The following CACNA2D2 variants were observed in gnomAD, a reference collection of about 807,000 sequenced individuals.
CACNA2D2 encodes the protein voltage-dependent calcium channel subunit alpha-2/delta-2.
A neutral mutation model predicts 166.4 loss-of-function variants in CACNA2D2; 48 were observed. The ratio of observed to expected loss-of-function variants is 0.29; its 90% confidence interval spans 0.23 to 0.37. The LOEUF (loss-of-function observed/expected upper bound fraction) is 0.37. CACNA2D2 is among the 10% of genes least tolerant of loss of function. The probability of loss-of-function intolerance (pLI) is 1.00; values close to 1 mark genes in which losing one functional copy is unlikely to be tolerated. For missense variants in CACNA2D2, 1,122 were observed against 1,433.0 expected (o/e 0.78, Z 3.50); for synonymous variants, 561 against 573.7 (o/e 0.98, Z 0.32).
At chr3:50,460,914 A>T (rs1709560076) in intron 2 of CACNA2D2, among the ~76,000 whole-genome samples, 1 of 152,186 alleles carries the variant, frequency 6.6e-6, no homozygotes, top group Non-Finnish European at 1.5e-5. Context: ...TGCAATGGTT[A>T]AATGTAAAAT....
chr3:50,428,513 C>T (rs1429648908), intron 3 of CACNA2D2, among the ~76,000 whole-genome samples: 1 of 152,164 alleles, frequency 6.6e-6, no homozygotes, highest in Non-Finnish European at 1.5e-5. Flanking sequence ...GTTAAGTGGC[C>T]ATTAGCAGCA....
chr3:50,434,619 G>A (rs1241820508), intron 2 of CACNA2D2, among the ~76,000 whole-genome samples, 190 bp from the exon 3 acceptor site: 4 of 152,240 alleles, frequency 2.6e-5, no homozygotes, highest in African/African-American at 4.8e-5. Context: ...AAGGCCAGGG[G>A]CTCCGTAGCT....
At chr3:50,491,920 CCAGACCCAGGATTGGTGCAGGGAA>C (rs1210515788) in intron 1 of CACNA2D2, among the ~76,000 whole-genome samples, 4 of 152,220 alleles carry the variant, frequency 2.6e-5, no homozygotes, top group African/African-American at 9.7e-5. Context: ...ACTGTCCAGC[CCAGACCCAGGATTGGTGCAGGGAA>C]CAGAGCCAGA....
chr3:50,378,914 C>T lies in CACNA2D2; in HGVS notation c.1339+1G>A. The T allele has an allele frequency of 6.2e-7, 1 of 1,613,672 alleles. No homozygotes were observed. Among genetic ancestry groups the T allele is most frequent in the Non-Finnish European group, 8.5e-7 (1 of 1,180,004 alleles). ...CTGACAGTGATGCGCAGGGGAGGTA[C>T]CTTTGTTGGCACAGGCCATCCACTG... On this transcript the variant is annotated splice_donor_variant, in intron 13 of 37. Coordinates refer to ENST00000424201, the MANE Select transcript of CACNA2D2 (RefSeq NM_006030.4). LOFTEE classifies it high-confidence loss of function.
Position 50,366,354 on chromosome 3 carries a change from T to C in CACNA2D2, c.2638-16A>G, listed in dbSNP as rs1212311417. The C allele has an allele frequency of 3.1e-6, 5 of 1,613,514 alleles. No homozygotes were observed. Among genetic ancestry groups the C allele is most frequent in the Non-Finnish European group, 3.4e-6 (4 of 1,179,582 alleles). ...AGAGTAAGTCCTAGGAGGAAGGGAA[T>C]GGGGAGGAAAATGGAGAGGGGCTGG... On this transcript the variant is annotated splice_polypyrimidine_tract_variant and intron_variant, in intron 30 of 37. Coordinates refer to ENST00000424201, the MANE Select transcript of CACNA2D2 (RefSeq NM_006030.4). This position sits in a 1 kb window ranked among gnomAD's most constrained non-coding sequence, Gnocchi z 5.9.
Position 50,363,631 on chromosome 3 carries a change from T to C in CACNA2D2, c.*1035A>G. On this transcript the variant is annotated 3_prime_UTR_variant, in exon 38 of 38. Coordinates refer to ENST00000424201, the MANE Select transcript of CACNA2D2 (RefSeq NM_006030.4). ...GATGGCCCAGCCAGGAGAGACAAAG[T>C]CACCCCTGCTAAGGCAAAGGGTGAT... 4.9e-6 allele frequency: 1 copy of C among 204,044 alleles called. No individual in the cohort carries two copies. Among genetic ancestry groups the C allele is most frequent in the Non-Finnish European group, 9.7e-6 (1 of 103,264 alleles). 12.6% of individuals were successfully genotyped at this position (204,044 alleles called of 1,614,324 possible).
intron 2 of CACNA2D2, among the ~76,000 whole-genome samples, chr3:50,468,176 G>C (rs970513630): frequency 6.6e-6 from 1 of 152,110 alleles, no homozygotes; most frequent in Non-Finnish European, 1.5e-5. Flanking sequence ...TCCCACCCTC[G>C]AACATTCAGA....
chr3:50,365,038 G>A lies in CACNA2D2; in HGVS notation c.3208+37C>T. On this transcript the variant is annotated intron_variant, in intron 36 of 37. Transcript: ENST00000424201. The surrounding 1 kb of genome is among the most constrained non-coding windows in gnomAD (Gnocchi z 4.5). ...GCACGGAGGGGGCGCGCGGGGCAGAGGGGGAGCGGGCGGCGGGGAGGGCGG... is the reference window on the plus strand; with the variant it reads ...GCACGGAGGGGGCGCGCGGGGCAGAAGGGGAGCGGGCGGCGGGGAGGGCGG... The A allele has an allele frequency of 6.3e-7, 1 of 1,599,364 alleles. No homozygotes were observed. Among genetic ancestry groups the A allele is most frequent in the Non-Finnish European group, 8.5e-7 (1 of 1,173,180 alleles).
At chr3:50,399,470 G>A (rs1217969235) in intron 3 of CACNA2D2, among the ~76,000 whole-genome samples, 6 of 152,260 alleles carry the variant, frequency 3.9e-5, no homozygotes, top group Non-Finnish European at 8.8e-5. Context: ...GTGATGGAGC[G>A]TGGGCTCTGG....
intron 3 of CACNA2D2, among the ~76,000 whole-genome samples, chr3:50,432,472 T>C (rs762193692): frequency 3.3e-5 from 5 of 151,874 alleles, no homozygotes; most frequent in Non-Finnish European, 5.9e-5. Flanking sequence ...AGCTAGGAAG[T>C]AGTGTGCAAA....
intron 2 of CACNA2D2, among the ~76,000 whole-genome samples, chr3:50,455,471 C>T: frequency 6.6e-6 from 1 of 152,226 alleles, no homozygotes; most frequent in East Asian, 1.9e-4. Context: ...GCTGCTCCTG[C>T]GGCGTGGAGA....
At chr3:50,407,526 T>A (rs1393563152) in intron 3 of CACNA2D2, among the ~76,000 whole-genome samples, 2 of 152,196 alleles carry the variant, frequency 1.3e-5, no homozygotes, top group East Asian at 3.9e-4. Flanking sequence ...CTTACTCTCC[T>A]GGTTCTAGTA....
chr3:50,471,338 G>A (rs1246802090), intron 2 of CACNA2D2, among the ~76,000 whole-genome samples: 2 of 152,144 alleles, frequency 1.3e-5, no homozygotes, highest in Admixed American at 6.5e-5. Flanking sequence ...TCTCCTGTGG[G>A]CACATGTTAA....
chr3:50,370,360 TG>T lies in CACNA2D2; in HGVS notation c.2004del (p.Ser669AlafsTer20). 1.3e-6 allele frequency: 2 copies of T among 1,504,178 alleles called. No individual in the cohort carries two copies. The highest frequency in any genetic ancestry group is 8.9e-7 in the Non-Finnish European group (1 of 1,123,794). The allele number at this position is 1,504,178 out of a possible 1,614,324, so 93.2% of individuals were successfully genotyped here. ...ACGTGTCCTTCAGACTCAAAGCTGCTGGGGAGCAGGAACTCAAAATCTGCAA... is the reference window on the plus strand; with the variant it reads ...ACGTGTCCTTCAGACTCAAAGCTGCTGGGAGCAGGAACTCAAAATCTGCAA... Reference protein sequence around the residue: ...LQVKYFEFLLPSSFESEGHVF... With the variant: ...LQVKYFEFLLXSSFESEGHVF... On this transcript the variant is annotated frameshift_variant, in exon 23 of 38. Transcript: ENST00000424201. LOFTEE classifies it high-confidence loss of function.
intron 1 of CACNA2D2, among the ~76,000 whole-genome samples, chr3:50,490,244 A>G (rs767411236): frequency 6.6e-6 from 1 of 152,152 alleles, no homozygotes; most frequent in Non-Finnish European, 1.5e-5. Context: ...GCTGGCTCCC[A>G]TAGATACCAT....
chr3:50,441,511 C>CA (rs1198023327), intron 2 of CACNA2D2, among the ~76,000 whole-genome samples: 2 of 152,226 alleles, frequency 1.3e-5, no homozygotes, highest in Non-Finnish European at 2.9e-5. Context: ...CAAATCCTCC[C>CA]AGCCAAGCAA....
intron 3 of CACNA2D2, 116 bp from the exon 4 acceptor site, chr3:50,394,284 T>G: frequency 1.3e-6 from 1 of 796,748 alleles, no homozygotes; most frequent in Non-Finnish European, 2.2e-6. Flanking sequence ...GGTGACTCCC[T>G]TCCCCTCATC....
At chr3:50,390,726 G>C (rs906224936) in intron 4 of CACNA2D2, among the ~76,000 whole-genome samples, 1 of 152,210 alleles carries the variant, frequency 6.6e-6, no homozygotes, top group Non-Finnish European at 1.5e-5. Flanking sequence ...CGTGACCCTT[G>C]TGTTGGTGAC....
intron 1 of CACNA2D2, among the ~76,000 whole-genome samples, chr3:50,483,541 T>C (rs1698148578): frequency 6.6e-6 from 1 of 152,164 alleles, no homozygotes; most frequent in East Asian, 1.9e-4. Flanking sequence ...AGACTAACAG[T>C]GAGCCATCAT....
Sources: gnomAD v4.1 joint callset for allele counts (sites outside exome capture counted in the v4.1 genomes callset) on GRCh38, gnomAD v4.1.1 for gene constraint, Gnocchi (gnomAD v3.1) non-coding constraint, MANE v1.5 for transcripts, NCBI Gene and HGNC (gene_info 2026-07-23, HGNC 2026-07-21) for gene names.